Variants in ARHGAP45 observed in about 807,000 individuals in gnomAD.
The protein encoded by ARHGAP45 is Rho GTPase activating protein 45.
A neutral mutation model predicts 116.1 loss-of-function variants in ARHGAP45; 56 were observed. That is an observed-to-expected ratio of 0.48 (90% CI 0.39 to 0.60). The LOEUF (loss-of-function observed/expected upper bound fraction) is 0.60, where lower values mean the gene tolerates loss of function less well. Ranked by LOEUF, ARHGAP45 falls within the 20% of genes least tolerant of loss-of-function variation. The pLI is 0.00. For missense variants in ARHGAP45, 1,622 were observed against 1,601.0 expected (o/e 1.01, Z -0.22); for synonymous variants, 866 against 701.7 (o/e 1.23, Z -3.70).
intron 1 of ARHGAP45, among the ~76,000 whole-genome samples, chr19:1,067,916 G>T (rs1028588103): frequency 6.7e-6 from 1 of 149,022 alleles, no homozygotes; most frequent in Non-Finnish European, 1.5e-5. Flanking sequence ...AGGTTCAGAG[G>T]TTGGGGAGTG....
chr19:1,068,625 G>A lies in ARHGAP45; in HGVS notation c.302G>A (p.Gly101Asp), dbSNP rs766920573. The change falls in exon 2 of 23, where the codon GGC (glycine) becomes GAC (aspartate). Residue 101 changes from glycine (G) to aspartate (D), a missense_variant. Transcript: ENST00000313093. The surrounding 1 kb of genome is among the most constrained non-coding windows in gnomAD (Gnocchi z 7.5). ...HRSPLTAASPGELPTEGAGPD... is the reference protein window; with the variant it reads ...HRSPLTAASPDELPTEGAGPD... ...AGCCCACTGACAGCCGCCAGCCCGG[G>A]CGAGCTGCCCACCGAGGGTGCCGGC... 3 of 1,611,820 alleles carry A rather than the reference G, an allele frequency of 1.9e-6. No individual in the cohort carries two copies. In the South Asian group the frequency reaches 3.3e-5, roughly 18 times the overall value.
chr19:1,066,522 C>G (rs2043034157), upstream of ARHGAP45: 1 of 267,592 alleles, frequency 3.7e-6, no homozygotes, highest in African/African-American at 2.2e-5. Context: ...CAGGTGTCCT[C>G]AGCATATTCT....
chr19:1,078,826 C>T (rs1033236632), intron 11 of ARHGAP45, among the ~76,000 whole-genome samples: 2 of 151,816 alleles, frequency 1.3e-5, no homozygotes, highest in Admixed American at 6.6e-5. Context: ...AAGCAATCTT[C>T]TCGCCTCAGC....
chr19:1,085,542 T>TCTCTCCCCATCTCTCCTGC, intron 22 of ARHGAP45, 118 bp from the exon 23 acceptor site: 2 of 712,428 alleles, frequency 2.8e-6, no homozygotes, highest in East Asian at 2.8e-5. Context: ...ATCTCTCCTG[T>TCTCTCCCCATCTCTCCTGC]CTCTCCATCT....
At chr19:1,066,825 C>T (rs1384334038), upstream of ARHGAP45, among the ~76,000 whole-genome samples, 2 of 97,224 alleles carry the variant, frequency 2.1e-5, no homozygotes, top group South Asian at 3.2e-4. Context: ...GCAGGAGAGG[C>T]GGTGGAGCGG....
Position 1,071,132 on chromosome 19 carries a change from A to C in ARHGAP45, c.422-2017A>C. 6.4e-6 allele frequency: 8 copies of C among 1,240,838 alleles called. No homozygotes were observed. The highest frequency in any genetic ancestry group is 8.2e-6 in the Non-Finnish European group (8 of 972,918). The allele number at this position is 1,240,838 out of a possible 1,614,324, so 76.9% of individuals were successfully genotyped here. The stretch of plus-strand genomic sequence containing the variant: ...CACCTCGAAGCTCTGCGGTTAAGGA[A>C]GGACCCAGGCTGGGGCGAACGGGAC... On this transcript the variant is annotated intron_variant, in intron 2 of 22. Transcript: ENST00000313093. This position sits in a 1 kb window ranked among gnomAD's most constrained non-coding sequence, Gnocchi z 4.6.
At position 1,074,646 on chromosome 19, in the gene ARHGAP45, G is replaced by A; in HGVS notation, c.1026G>A (p.Leu342=). The A allele has an allele frequency of 6.2e-7, 1 of 1,608,236 alleles. No individual in the cohort carries two copies. Among genetic ancestry groups the A allele is most frequent in the Non-Finnish European group, 8.5e-7 (1 of 1,178,118 alleles). Residue 342 remains leucine, a synonymous_variant, in exon 9 of 23, where the codon CTG becomes CTA. Transcript: ENST00000313093. ...PHMPLLSIYS[L]ALEQDLEFGH... ...TGCCGCTCCTGTCCATCTACTCGCT[G>A]GCCCTGGAGCAGGACCTGGAGTTCG...
chr19:1,067,517 C>G (rs1392599442), intron 1 of ARHGAP45, 22 bp downstream of exon 1: 3 of 1,576,010 alleles, frequency 1.9e-6, no homozygotes, highest in Non-Finnish European at 2.6e-6. Flanking sequence ...CCGGGTGAGA[C>G]CCGGAGCTGA....
chr19:1,085,549 A>ATCTCTCCTGTCTCTCCG, intron 22 of ARHGAP45, 111 bp from the exon 23 acceptor site: 1 of 404,830 alleles, frequency 2.5e-6, no homozygotes. Context: ...CTGTCTCTCC[A>ATCTCTCCTGTCTCTCCG]TCTCTCTCCC....
In ARHGAP45 at chr19:1,074,511, T is replaced by C. The variant is rs74422982; in HGVS notation, c.994-103T>C. 4.9e-3 allele frequency: 6,893 copies of C among 1,396,072 alleles called. 291 individuals carry two copies. In the African/African-American group the frequency reaches 0.087, roughly 18 times the overall value. 86.5% of individuals were successfully genotyped at this position (1,396,072 alleles called of 1,614,324 possible). A position where few individuals can be genotyped will look rare whatever the true frequency, so the allele number is the denominator to read the frequency against. ...CAAGAGCAGGGGCTTCCCCTCTACA[T>C]TAACGGGGGTGGCTGCAGGGACCAG... On this transcript the variant is annotated intron_variant, in intron 8 of 22. Transcript: ENST00000313093.
chr19:1,070,657 T>A (rs1457141201), intron 2 of ARHGAP45, among the ~76,000 whole-genome samples: 7 of 152,048 alleles, frequency 4.6e-5, no homozygotes, highest in Admixed American at 3.3e-4. Flanking sequence ...AGTTTTTGTA[T>A]TTTTTGTAGA....
chr19:1,074,784 C>T lies in ARHGAP45; in HGVS notation c.1105-15C>T. On this transcript the variant is annotated splice_polypyrimidine_tract_variant and intron_variant, in intron 9 of 22. Coordinates refer to ENST00000313093, the MANE Select transcript of ARHGAP45 (RefSeq NM_012292.5). ...GTGTCACCGGGGTACCCACTCACGG[C>T]CCGTCTCGCCCCAGCCCCTGACCCT... The T allele has an allele frequency of 2.5e-6, 4 of 1,600,528 alleles. No individual in the cohort carries two copies. Among genetic ancestry groups the T allele is most frequent in the Non-Finnish European group, 3.4e-6 (4 of 1,175,656 alleles).
At position 1,073,219 on chromosome 19, in the gene ARHGAP45, C is replaced by T; in HGVS notation, c.492C>T (p.Ile164=). The change falls in exon 3 of 23, where the codon ATC becomes ATT. Residue 164 remains isoleucine (I), a synonymous_variant. Coordinates refer to ENST00000313093, the MANE Select transcript of ARHGAP45 (RefSeq NM_012292.5). ...LGEALRVMHQ[I]ISKYPLLNTV... ...AGGCTCTGCGTGTCATGCATCAGAT[C>T]ATCTCCAAGTACCCGCTGCTGAACA... The T allele has an allele frequency of 3.1e-6, 5 of 1,613,426 alleles. No individual in the cohort carries two copies. The highest frequency in any genetic ancestry group is 3.4e-6 in the Non-Finnish European group (4 of 1,180,022).
intron 17 of ARHGAP45, 27 bp downstream of exon 17, chr19:1,081,091 T>C: frequency 6.3e-7 from 1 of 1,584,174 alleles, no homozygotes; most frequent in South Asian, 1.1e-5. Context: ...GACGGACAGC[T>C]GGGAGCCTTC....
At position 1,084,363 on chromosome 19, in the gene ARHGAP45, C is replaced by G. The variant is rs1311287914; in HGVS notation, c.3064+17C>G. The G allele has an allele frequency of 1.9e-6, 3 of 1,591,094 alleles. No homozygotes were observed. Among genetic ancestry groups the G allele is most frequent in the Non-Finnish European group, 2.6e-6 (3 of 1,167,590 alleles). On this transcript the variant is annotated intron_variant, in intron 22 of 22. Transcript: ENST00000313093. ...GGTGCAGAGGTGAGTGTGTGGCTGC[C>G]CGAACGGCCCCAAGGGAGGCTGGCG...
At position 1,080,442 on chromosome 19, in the gene ARHGAP45, C is replaced by T. The variant is rs749982646; in HGVS notation, c.1829-22C>T. 6 of 1,612,132 alleles carry T rather than the reference C, an allele frequency of 3.7e-6. No individual in the cohort carries two copies. In the African/African-American group the frequency reaches 5.3e-5, roughly 14 times the overall value. On this transcript the variant is annotated intron_variant, in intron 14 of 22. Transcript: ENST00000313093. The stretch of plus-strand genomic sequence containing the variant: ...CCCTGCGACCCACCCTGGCCCTTCA[C>T]CAGAGACGCCTCTTTCTCCAGCCGG...
chr19:1,074,596 C>T lies in ARHGAP45; in HGVS notation c.994-18C>T, dbSNP rs758664112. On this transcript the variant is annotated intron_variant, in intron 8 of 22. Transcript: ENST00000313093. ...CCTCCATCCCTCCCCACCCAGTGAGCCGGTGCCCCACCCACAGCCCCACAT... is the reference window on the plus strand; with the variant it reads ...CCTCCATCCCTCCCCACCCAGTGAGTCGGTGCCCCACCCACAGCCCCACAT... The T allele has an allele frequency of 1.8e-5, 28 of 1,536,308 alleles. No individual in the cohort carries two copies. Among genetic ancestry groups the T allele is most frequent in the Non-Finnish European group, 8.8e-7 (1 of 1,138,148 alleles).
In ARHGAP45 at chr19:1,086,207, CCT is replaced by C. The variant is rs1340173338; in HGVS notation, c.*202_*203del. On this transcript the variant is annotated 3_prime_UTR_variant, in exon 23 of 23. Transcript: ENST00000313093. ...AGGGCCTTGCGGCACAGGACTGTGCCCTGTGCTGTCCCCTGCACCCCGGCTCA... is the reference window on the plus strand; with the variant it reads ...AGGGCCTTGCGGCACAGGACTGTGCCGTGCTGTCCCCTGCACCCCGGCTCA... The C allele has an allele frequency of 3.4e-6, 2 of 586,550 alleles. No homozygotes were observed. Among genetic ancestry groups the C allele is most frequent in the Non-Finnish European group, 6.1e-6 (2 of 329,512 alleles). 36.3% of individuals were successfully genotyped at this position (586,550 alleles called of 1,614,324 possible). A position where few individuals can be genotyped will look rare whatever the true frequency, so the allele number is the denominator to read the frequency against.
chr19:1,077,284 C>T (rs2145048754), intron 10 of ARHGAP45: 3 of 985,114 alleles, frequency 3.0e-6, no homozygotes, highest in South Asian at 9.4e-5. Flanking sequence ...CTGTGCAGAG[C>T]TTGGCTGCAC....
Sources: gnomAD v4.1 joint callset for allele counts (sites outside exome capture counted in the v4.1 genomes callset) on GRCh38, gnomAD v4.1.1 for gene constraint, Gnocchi (gnomAD v3.1) non-coding constraint, MANE v1.5 for transcripts, NCBI Gene and HGNC (gene_info 2026-07-23, HGNC 2026-07-21) for gene names.